Variants in CCDC73 observed in about 807,000 individuals in gnomAD.
CCDC73 encodes the protein coiled-coil domain-containing protein 73.
A neutral mutation model predicts 116.5 loss-of-function variants in CCDC73; 95 were observed. The ratio of observed to expected loss-of-function variants is 0.82; its 90% CI spans 0.69 to 0.97. The LOEUF (loss-of-function observed/expected upper bound fraction) is 0.97, where lower values mean the gene tolerates loss of function less well. Among genes scored for constraint, CCDC73 ranks in the 50% least tolerant of loss-of-function variants. The pLI is 0.00. For synonymous variants in CCDC73, 398 were observed against 401.3 expected, an observed-to-expected ratio of 0.99 and a Z score of 0.10; for missense variants, 1,066 against 1,206.8, an observed-to-expected ratio of 0.88 and a Z score of 1.73.
chr11:32,658,234 G>A (rs77005905), intron 9 of CCDC73, among the ~76,000 whole-genome samples: 7,304 of 152,036 alleles, frequency 0.048, 197 homozygotes, highest in African/African-American at 0.064. Flanking sequence ...CTACAACTAC[G>A]TAAATAGCTT....
chr11:32,619,137 G>GT (rs1201332845), intron 14 of CCDC73, among the ~76,000 whole-genome samples: 4 of 152,126 alleles, frequency 2.6e-5, no homozygotes, highest in Non-Finnish European at 5.9e-5. Flanking sequence ...TGATAGTTTT[G>GT]TTTTTTTACT....
chr11:32,723,053 T>TAA (rs1393834146), intron 2 of CCDC73, among the ~76,000 whole-genome samples: 1 of 152,164 alleles, frequency 6.6e-6, no homozygotes, highest in East Asian at 1.9e-4. Context: ...TGGATTGTTA[T>TAA]GATATATATT....
At chr11:32,776,925 T>TAAA (rs747492382) in intron 1 of CCDC73, among the ~76,000 whole-genome samples, 1,318 of 126,932 alleles carry the variant, frequency 0.01, 26 homozygotes, top group African/African-American at 0.039. Context: ...AGAGTATGGT[T>TAAA]AAAAAAAAAA....
intron 1 of CCDC73, among the ~76,000 whole-genome samples, chr11:32,781,264 A>T (rs1302244887): frequency 2.0e-5 from 3 of 152,260 alleles, no homozygotes; most frequent in Non-Finnish European, 2.9e-5. Flanking sequence ...AGTGGTATTT[A>T]GTTCCACTCC....
At chr11:32,738,058 T>C (rs774172224) in intron 2 of CCDC73, among the ~76,000 whole-genome samples, 2 of 152,174 alleles carry the variant, frequency 1.3e-5, no homozygotes, top group Non-Finnish European at 2.9e-5. Flanking sequence ...TATACATTCA[T>C]ATACACTGTG....
Position 32,653,965 on chromosome 11 carries a change from T to C in CCDC73, c.834+13A>G, listed in dbSNP as rs1855849473. On this transcript the variant is annotated intron_variant, in intron 11 of 17. Transcript: ENST00000335185. ...AATATTTACTGGCTTCCAAATAGCT[T>C]ATGATTGCTTACCTGTTTTTCTTCT... The C allele has an allele frequency of 6.3e-7, 1 of 1,595,310 alleles. No individual in the cohort carries two copies. Among genetic ancestry groups the C allele is most frequent in the Non-Finnish European group, 8.5e-7 (1 of 1,173,500 alleles).
intron 9 of CCDC73, among the ~76,000 whole-genome samples, chr11:32,665,176 G>T (rs1221944174): frequency 6.6e-6 from 1 of 152,094 alleles, no homozygotes; most frequent in African/African-American, 2.4e-5. Flanking sequence ...TATTAGGTCC[G>T]CTTGGTGCAG....
the CCDC73 span, among the ~76,000 whole-genome samples, chr11:32,813,777 T>A: frequency 6.6e-6 from 1 of 152,234 alleles, no homozygotes; most frequent in Non-Finnish European, 1.5e-5. Context: ...TAGTCTAATA[T>A]CACACCATCT....
chr11:32,683,264 T>C (rs1299911454), intron 7 of CCDC73: 2 of 392,072 alleles, frequency 5.1e-6, no homozygotes, highest in Non-Finnish European at 9.4e-6. Context: ...ACTCAAAAAG[T>C]TTCCAATTTT....
chr11:32,645,141 C>T (rs1590565252), intron 12 of CCDC73, among the ~76,000 whole-genome samples: 1 of 152,304 alleles, frequency 6.6e-6, no homozygotes, highest in South Asian at 2.1e-4. Context: ...ATGTCTTCCA[C>T]CTCCACATAT....
chr11:32,802,571 T>C, the CCDC73 span, among the ~76,000 whole-genome samples: 1 of 152,338 alleles, frequency 6.6e-6, no homozygotes, highest in African/African-American at 2.4e-5. Flanking sequence ...AGCTTACATA[T>C]ACTGTATACA....
At position 32,690,682 on chromosome 11, in the gene CCDC73, G is replaced by A. The variant is rs184028642; in HGVS notation, c.391-7108C>T. ...CATGGTAAGACATGCTTACTTCCCCGCCCGCCATGATTTTAAGTTTCCTGA... is the reference window on the plus strand; with the variant it reads ...CATGGTAAGACATGCTTACTTCCCCACCCGCCATGATTTTAAGTTTCCTGA... On this transcript the variant is annotated intron_variant, in intron 6 of 17. Transcript: ENST00000335185. Among the ~76,000 whole-genome samples, 67 of 152,028 alleles carry A rather than the reference G, an allele frequency of 4.4e-4. No individual in the cohort carries two copies. The East Asian group carries it at 9.9e-3, about 22-fold the overall frequency.
intron 2 of CCDC73, among the ~76,000 whole-genome samples, chr11:32,755,745 GTGTA>G (rs1850333352): frequency 6.0e-4 from 22 of 36,936 alleles, no homozygotes; most frequent in South Asian, 3.2e-3. Context: ...CCATATATAT[GTGTA>G]TATATATATA....
At chr11:32,718,427 A>G (rs1849963841) in intron 2 of CCDC73, among the ~76,000 whole-genome samples, 1 of 152,206 alleles carries the variant, frequency 6.6e-6, no homozygotes, top group Non-Finnish European at 1.5e-5. Flanking sequence ...AGAAGCTTCA[A>G]CGAAAAGTCC....
intron 2 of CCDC73, among the ~76,000 whole-genome samples, chr11:32,737,617 C>CA (rs35749199): frequency 0.19 from 22,024 of 118,764 alleles, 1,991 homozygotes; most frequent in South Asian, 0.26. Context: ...GACTGTGTCT[C>CA]AAAAAAAAAA....
intron 1 of CCDC73, among the ~76,000 whole-genome samples, chr11:32,780,041 A>AG (rs1286745829): frequency 6.6e-6 from 1 of 152,220 alleles, no homozygotes; most frequent in Non-Finnish European, 1.5e-5. Flanking sequence ...TGGGAGGCCG[A>AG]GGCAGGCAGA....
intron 3 of CCDC73, among the ~76,000 whole-genome samples, chr11:32,715,409 T>C (rs2133329676): frequency 6.6e-6 from 1 of 152,208 alleles, no homozygotes; most frequent in African/African-American, 2.4e-5. Flanking sequence ...AAGTGTAACT[T>C]CTGGAATCTT....
At chr11:32,823,519 TA>T in the CCDC73 span, among the ~76,000 whole-genome samples, 2 of 148,348 alleles carry the variant, frequency 1.3e-5, no homozygotes, top group African/African-American at 2.5e-5. Flanking sequence ...AAAGAGAAAA[TA>T]AAAAAAATTT....
chr11:32,747,625 C>A (rs1850251659), intron 2 of CCDC73, among the ~76,000 whole-genome samples: 1 of 151,946 alleles, frequency 6.6e-6, no homozygotes, highest in Non-Finnish European at 1.5e-5. Context: ...AAACGGTGAG[C>A]ACAGAACCAC....
Sources: gnomAD v4.1 joint callset for allele counts (sites outside exome capture counted in the v4.1 genomes callset) on GRCh38, gnomAD v4.1.1 for gene constraint, MANE v1.5 for transcripts, NCBI Gene and HGNC (gene_info 2026-07-23, HGNC 2026-07-21) for gene names.